PPARGC1A: variants seen among roughly 807,000 people sequenced by gnomAD.
The protein encoded by PPARGC1A is peroxisome proliferator-activated receptor gamma coactivator 1-alpha.
In PPARGC1A, 25 loss-of-function variants were observed where a neutral mutation model predicts 88.7. The ratio of observed to expected loss-of-function variants is 0.28; its 90% CI spans 0.21 to 0.39. PPARGC1A has a LOEUF of 0.39. Among genes scored for constraint, PPARGC1A ranks in the 10% least tolerant of loss-of-function variants. PPARGC1A has a pLI of 1.00. For synonymous variants in PPARGC1A, 363 were observed against 355.6 expected, an observed-to-expected ratio of 1.02 and a Z score of -0.24; for missense variants, 880 against 968.7, an observed-to-expected ratio of 0.91 and a Z score of 1.22.
the PPARGC1A span, among the ~76,000 whole-genome samples, chr4:23,913,084 C>T: frequency 2.0e-5 from 3 of 149,782 alleles, no homozygotes; most frequent in Admixed American, 6.7e-5. Context: ...GGATTACAGG[C>T]GTGAGCCACC....
chr4:23,874,639 A>G (rs544451437), intron 2 of PPARGC1A, among the ~76,000 whole-genome samples: 2 of 152,198 alleles, frequency 1.3e-5, no homozygotes, highest in African/African-American at 4.8e-5. Context: ...AAATTACAGC[A>G]AGGACTTTAA....
At chr4:24,101,340 C>T in the PPARGC1A span, among the ~76,000 whole-genome samples, 1 of 152,226 alleles carries the variant, frequency 6.6e-6, no homozygotes, top group Non-Finnish European at 1.5e-5. Flanking sequence ...AGCCATGCTT[C>T]CTGTACAGTC....
At chr4:23,863,805 G>A (rs1025550325) in intron 2 of PPARGC1A, among the ~76,000 whole-genome samples, 13 of 152,180 alleles carry the variant, frequency 8.5e-5, no homozygotes, top group African/African-American at 3.1e-4. Context: ...GGAGTGCAGT[G>A]GCGCAATCTC....
At chr4:23,832,111 G>A (rs1022168351) in intron 2 of PPARGC1A, among the ~76,000 whole-genome samples, 2 of 152,238 alleles carry the variant, frequency 1.3e-5, no homozygotes, top group African/African-American at 4.8e-5. Context: ...TGGACCTTGA[G>A]AGAATTTTAA....
chr4:24,314,689 A>G, the PPARGC1A span, among the ~76,000 whole-genome samples: 2 of 152,226 alleles, frequency 1.3e-5, no homozygotes, highest in African/African-American at 2.4e-5. Flanking sequence ...TTTTGATCAT[A>G]GAACTTACTA....
At chr4:24,414,447 C>T in the PPARGC1A span, among the ~76,000 whole-genome samples, 8 of 152,226 alleles carry the variant, frequency 5.3e-5, no homozygotes, top group Admixed American at 1.3e-4. Flanking sequence ...TTAGAGTCAC[C>T]GTACCTCTAG....
the PPARGC1A span, among the ~76,000 whole-genome samples, chr4:24,282,079 GA>G: frequency 6.6e-6 from 1 of 152,118 alleles, no homozygotes; most frequent in Non-Finnish European, 1.5e-5. Context: ...TTGAATGAAT[GA>G]AAGATTTCAT....
At chr4:24,151,396 C>A in the PPARGC1A span, among the ~76,000 whole-genome samples, 1 of 152,114 alleles carries the variant, frequency 6.6e-6, no homozygotes, top group African/African-American at 2.4e-5. Flanking sequence ...CTGTTCTCTT[C>A]CTCTTCTTAT....
chr4:24,330,484 C>T, the PPARGC1A span, among the ~76,000 whole-genome samples: 9 of 152,278 alleles, frequency 5.9e-5, no homozygotes, highest in South Asian at 1.4e-3. Context: ...GTGCCAGGCA[C>T]GTACATGAAG....
chr4:24,218,275 A>C, the PPARGC1A span, among the ~76,000 whole-genome samples: 1 of 152,230 alleles, frequency 6.6e-6, no homozygotes, highest in Non-Finnish European at 1.5e-5. Context: ...AGAATTAAGG[A>C]GCACCAGATA....
At chr4:24,182,020 A>G in the PPARGC1A span, among the ~76,000 whole-genome samples, 1 of 152,126 alleles carries the variant, frequency 6.6e-6, no homozygotes, top group South Asian at 2.1e-4. Context: ...TCTAGGATAC[A>G]TGTGCAGAAC....
At chr4:24,374,581 G>T in the PPARGC1A span, among the ~76,000 whole-genome samples, 15 of 150,898 alleles carry the variant, frequency 9.9e-5, no homozygotes, top group Non-Finnish European at 1.8e-4. Context: ...AAAGGGCCAA[G>T]GATCTGAAGA....
the PPARGC1A span, among the ~76,000 whole-genome samples, chr4:24,277,680 T>C: frequency 3.9e-5 from 6 of 152,284 alleles, 1 homozygote; most frequent in East Asian, 1.2e-3. Context: ...TAAAATTCCC[T>C]CATTTCATTT....
At chr4:24,205,676 C>G in the PPARGC1A span, among the ~76,000 whole-genome samples, 2 of 152,162 alleles carry the variant, frequency 1.3e-5, no homozygotes, top group South Asian at 2.1e-4. Context: ...CCAACCTGAA[C>G]AGGAGGGATC....
chr4:23,805,628 C>CACA (rs1719661662), intron 10 of PPARGC1A, among the ~76,000 whole-genome samples: 1 of 152,192 alleles, frequency 6.6e-6, no homozygotes, highest in Non-Finnish European at 1.5e-5. Flanking sequence ...ATCATAACAC[C>CACA]ACATTCCATT....
chr4:24,316,243 C>G, the PPARGC1A span, among the ~76,000 whole-genome samples: 1 of 152,202 alleles, frequency 6.6e-6, no homozygotes, highest in East Asian at 1.9e-4. Context: ...TGGGTTCTAT[C>G]TTACATGGGC....
chr4:24,095,344 T>C, the PPARGC1A span, among the ~76,000 whole-genome samples: 4,408 of 152,154 alleles, frequency 0.029, 199 homozygotes, highest in African/African-American at 0.097. Context: ...CTCGAACTCC[T>C]GACCTCAAGT....
the PPARGC1A span, among the ~76,000 whole-genome samples, chr4:24,334,265 C>G: frequency 6.6e-6 from 1 of 152,170 alleles, no homozygotes; most frequent in Non-Finnish European, 1.5e-5. Context: ...TGATTCTCCC[C>G]AACAATCCTT....
At chr4:24,292,011 C>T in the PPARGC1A span, among the ~76,000 whole-genome samples, 1 of 152,152 alleles carries the variant, frequency 6.6e-6, no homozygotes, top group East Asian at 1.9e-4. Context: ...GCGAGAGTGA[C>T]GTGGCTTCTC....
Sources: allele counts gnomAD v4.1 joint callset (sites outside exome capture counted in the v4.1 genomes callset), GRCh38; gene constraint gnomAD v4.1.1; transcripts MANE v1.5; gene names NCBI Gene and HGNC (gene_info 2026-07-23, HGNC 2026-07-21).